Variants in RNF213 observed in about 807,000 individuals in gnomAD.
RNF213 encodes the protein E3 ubiquitin-protein ligase RNF213.
Under a neutral mutation model 514.4 loss-of-function variants are expected in RNF213, and 341 were observed. The observed-to-expected ratio is 0.66, with a 90% CI of 0.61 to 0.73. The LOEUF is 0.73. RNF213 is among the 30% of genes least tolerant of loss of function. The pLI is 0.00. For missense variants in RNF213, 5,767 were observed against 6,615.6 expected, an observed-to-expected ratio of 0.87 and a Z score of 4.45; for synonymous variants, 2,655 against 2,658.2, an observed-to-expected ratio of 1.00 and a Z score of 0.04.
Position 80,332,276 on chromosome 17 carries a change from A to G in RNF213, c.3788A>G (p.Glu1263Gly), listed in dbSNP as rs1007954579. Residue 1263 changes from glutamate (E) to glycine (G), a missense_variant, in exon 21 of 68, where the codon GAA (glutamate) becomes GGA (glycine). Coordinates refer to ENST00000582970, the MANE Select transcript of RNF213 (RefSeq NM_001256071.3). ...AAELLSEPEE[E>G]SERHILELEE... ...GAGTTGCTGAGTGAGCCCGAAGAAG[A>G]ATCAGAAAGGCACATCCTTGAGCTT... is the stretch of plus-strand genomic sequence containing the variant. The G allele has an allele frequency of 9.1e-6, 14 of 1,537,104 alleles. No individual in the cohort carries two copies. The highest frequency in any genetic ancestry group is 7.8e-5 in the Admixed American group (4 of 50,984).
Position 80,307,362 on chromosome 17 carries a change from G to GTTT in RNF213, c.2501+178_2501+180dup, listed in dbSNP as rs58826434. Among the ~76,000 whole-genome samples, 1,103 of 113,680 alleles carry GTTT rather than the reference G, an allele frequency of 9.7e-3. 52 individuals carry two copies. Among genetic ancestry groups the GTTT allele is most frequent in the African/African-American group, 0.034 (984 of 28,734 alleles). 74.6% of individuals were successfully genotyped at this position (113,680 alleles called of 152,430 possible). On this transcript the variant is annotated intron_variant, in intron 13 of 67. Coordinates refer to ENST00000582970, the MANE Select transcript of RNF213 (RefSeq NM_001256071.3). Reference sequence around the variant, plus strand: ...TCTCAGGTTATTAATATTGTCGTCTGTTTTTTTTTTTTTTTTTTTGAGTCA... The same window carrying GTTT: ...TCTCAGGTTATTAATATTGTCGTCTGTTTTTTTTTTTTTTTTTTTTTTGAGTCA...
intron 3 of RNF213, among the ~76,000 whole-genome samples, chr17:80,277,847 C>A (rs943306968): frequency 1.3e-5 from 2 of 152,186 alleles, no homozygotes; most frequent in Non-Finnish European, 2.9e-5. Context: ...CCAAGGGAGG[C>A]GGCCCCAGAA....
At chr17:80,388,830 G>A in intron 64 of RNF213, 141 bp downstream of exon 64, 2 of 743,632 alleles carry the variant, frequency 2.7e-6, no homozygotes, top group Non-Finnish European at 4.8e-6. Context: ...CAGAGAGCAA[G>A]CAAGACAGCA....
At chr17:80,350,460 A>G (rs550149461) in intron 31 of RNF213, 64 bp downstream of exon 31, 152 of 1,031,950 alleles carry the variant, frequency 1.5e-4, no homozygotes, top group Non-Finnish European at 2.1e-4. Context: ...AGTCCTAGAG[A>G]ATTTTTTCCT....
At position 80,306,247 on chromosome 17, in the gene RNF213, T is replaced by G; in HGVS notation, c.2211-5T>G. ...CTTTTCTCCGTCCCTATTTCTCTTA[T>G]GCAGGAGTTCCCTACTTCAGTTTAT... is the stretch of plus-strand genomic sequence containing the variant. On this transcript the variant is annotated splice_region_variant and splice_polypyrimidine_tract_variant and intron_variant, in intron 11 of 67. Coordinates refer to ENST00000582970, the MANE Select transcript of RNF213 (RefSeq NM_001256071.3). 6.2e-7 allele frequency: 1 copy of G among 1,614,004 alleles called. No homozygotes were observed. The highest frequency in any genetic ancestry group is 8.5e-7 in the Non-Finnish European group (1 of 1,179,852).
At chr17:80,273,916 G>C (rs113004646) in intron 3 of RNF213, among the ~76,000 whole-genome samples, 13 of 152,016 alleles carry the variant, frequency 8.6e-5, no homozygotes, top group African/African-American at 2.9e-4. Flanking sequence ...CACCGCGCCC[G>C]GCCTCCACCT....
chr17:80,335,026 A>AT (rs1340184359), intron 22 of RNF213, among the ~76,000 whole-genome samples: 2 of 148,476 alleles, frequency 1.3e-5, no homozygotes, highest in Non-Finnish European at 3.0e-5. Flanking sequence ...GATTCAAGCG[A>AT]TTTTCCTGTC....
In RNF213 at chr17:80,354,104, C is replaced by T. The variant is rs745980397; in HGVS notation, c.10664C>T (p.Thr3555Met). The T allele has an allele frequency of 1.1e-5, 18 of 1,613,964 alleles. No homozygotes were observed. Among genetic ancestry groups the T allele is most frequent in the East Asian group, 4.5e-5 (2 of 44,886 alleles). The change falls in exon 35 of 68, where the codon ACG becomes ATG. Residue 3555 changes from threonine to methionine, a missense_variant. Physicochemically the swap from Thr to Met is moderately conservative, Grantham distance 81. Coordinates refer to ENST00000582970, the MANE Select transcript of RNF213 (RefSeq NM_001256071.3). The part of the protein sequence containing the change: ...GMLRDQNESC[T>M]RNMRRVVLLL... ...CTCAGAGACCAGAACGAGAGCTGCA[C>T]GCGCAATATGCGGAGGGTGGTGCTC...
At chr17:80,298,990 CAAAA>C (rs554420318) in intron 11 of RNF213, among the ~76,000 whole-genome samples, 1 of 151,990 alleles carries the variant, frequency 6.6e-6, no homozygotes, top group Non-Finnish European at 1.5e-5. Context: ...AACAAACAAA[CAAAA>C]AACTATCAAG....
intron 8 of RNF213, among the ~76,000 whole-genome samples, chr17:80,293,304 C>T (rs1185542223): frequency 2.0e-5 from 3 of 151,902 alleles, no homozygotes; most frequent in East Asian, 2.0e-4. Context: ...TCAAGCAATC[C>T]GCCCATCTTG....
At chr17:80,310,677 C>G (rs1414195016) in intron 14 of RNF213, among the ~76,000 whole-genome samples, 1 of 152,136 alleles carries the variant, frequency 6.6e-6, no homozygotes, top group African/African-American at 2.4e-5. Flanking sequence ...CTCAGCCTCC[C>G]GAGTAGCTGG....
chr17:80,352,883 C>G, intron 32 of RNF213, 57 bp from the exon 33 acceptor site: 1 of 1,612,476 alleles, frequency 6.2e-7, no homozygotes, highest in Non-Finnish European at 8.5e-7. Flanking sequence ...CTGCTTAGGG[C>G]TGAGCAGCAG....
chr17:80,349,512 A>G (rs1227863628), intron 29 of RNF213, among the ~76,000 whole-genome samples: 1 of 152,142 alleles, frequency 6.6e-6, no homozygotes, highest in Non-Finnish European at 1.5e-5. Context: ...AGGCAGAGAC[A>G]CGGGCCTCTG....
In RNF213 at chr17:80,354,724, C is replaced by G. The variant is rs944889822; in HGVS notation, c.10862+148C>G. The G allele has an allele frequency of 1.0e-5, 10 of 995,714 alleles. No individual in the cohort carries two copies. The Admixed American group carries it at 1.8e-4, about 18-fold the overall frequency. The allele number at this position is 995,714 out of a possible 1,614,324, so 61.7% of individuals were successfully genotyped here. ...CCATTCAAAGCTGTAAAGTTTTTCC[C>G]CAAGAAGCACACAGTAGGTCTGGAC... On this transcript the variant is annotated intron_variant, in intron 36 of 67. Transcript: ENST00000582970.
At chr17:80,383,170 G>C (rs2080093166) in intron 58 of RNF213, 100 bp downstream of exon 58, 1 of 804,168 alleles carries the variant, frequency 1.2e-6, no homozygotes, top group Admixed American at 1.9e-5. Context: ...TCGTAGCGGT[G>C]CCAGCAAGAG....
At chr17:80,313,304 A>G (rs1308091560) in intron 15 of RNF213, 137 bp downstream of exon 15, 4 of 1,179,600 alleles carry the variant, frequency 3.4e-6, no homozygotes, top group Admixed American at 3.4e-5. Context: ...CATCTACAAA[A>G]TGGAGTTGCT....
chr17:80,269,451 TCTATTCATCC>T (rs2043732571), intron 2 of RNF213, among the ~76,000 whole-genome samples: 5 of 147,266 alleles, frequency 3.4e-5, no homozygotes, highest in African/African-American at 1.3e-4. Flanking sequence ...TATCCATCCA[TCTATTCATCC>T]ATCCATTCAT....
chr17:80,289,616 T>C, intron 5 of RNF213, 43 bp from the exon 6 acceptor site: 1 of 1,561,612 alleles, frequency 6.4e-7, no homozygotes, highest in Non-Finnish European at 8.7e-7. Context: ...AAAGAAAATG[T>C]GGAGGCCGGC....
At chr17:80,281,495 C>A in intron 3 of RNF213, among the ~76,000 whole-genome samples, 1 of 144,364 alleles carries the variant, frequency 6.9e-6, no homozygotes, top group South Asian at 2.3e-4. Context: ...CATACATACA[C>A]CCCACTCACA....
Sources: allele counts gnomAD v4.1 joint callset (sites outside exome capture counted in the v4.1 genomes callset), GRCh38; gene constraint gnomAD v4.1.1; transcripts MANE v1.5; gene names NCBI Gene and HGNC (gene_info 2026-07-23, HGNC 2026-07-21).